CACNA1D: variants seen among roughly 807,000 people sequenced by gnomAD.
CACNA1D encodes calcium voltage-gated channel subunit alpha1 D.
Under a neutral mutation model 257.1 loss-of-function variants are expected in CACNA1D, and 55 were observed. The observed-to-expected ratio is 0.21, with a 90% CI of 0.17 to 0.27. The LOEUF (loss-of-function observed/expected upper bound fraction) is 0.27. CACNA1D is among the 10% of genes least tolerant of loss of function. The pLI is 1.00. For synonymous variants in CACNA1D, 980 were observed against 1,014.9 expected (o/e 0.97, Z 0.65); for missense variants, 1,876 against 2,784.0 (o/e 0.67, Z 7.34).
chr3:53,710,382 G>A, intron 9 of CACNA1D: 1 of 456,460 alleles, frequency 2.2e-6, no homozygotes, highest in Non-Finnish European at 4.4e-6. Context: ...AATTGCCTGT[G>A]TTCAACCTGA....
rs79378840 is a variant in CACNA1D at position 53,570,643 on chromosome 3, A to G, written c.483+68923A>G. Among the ~76,000 whole-genome samples the G allele has an allele frequency of 6.1e-3, 925 of 152,370 alleles. 37 individuals carry two copies. Among genetic ancestry groups the G allele is most frequent in the Admixed American group, 0.054 (823 of 15,306 alleles). ...AAGGAAATTGAACAAAGAAGTTAAG[A>G]TAGCACATGCAAACATACACATCCG... is the stretch of plus-strand genomic sequence containing the variant. On this transcript the variant is annotated intron_variant, in intron 3 of 47. Transcript: ENST00000350061.
intron 3 of CACNA1D, among the ~76,000 whole-genome samples, chr3:53,576,211 T>C (rs1359436073): frequency 2.0e-5 from 3 of 152,172 alleles, no homozygotes; most frequent in Admixed American, 6.5e-5. Flanking sequence ...CAGTGGCCCA[T>C]GACGAAGTTG....
intron 3 of CACNA1D, among the ~76,000 whole-genome samples, chr3:53,565,535 A>G (rs956088885): frequency 5.9e-5 from 9 of 152,222 alleles, no homozygotes; most frequent in African/African-American, 1.9e-4. Context: ...TTCTTGTTAA[A>G]TGGAGAGGAG....
At chr3:53,675,170 G>C (rs2094362795) in intron 8 of CACNA1D, among the ~76,000 whole-genome samples, 1 of 152,212 alleles carries the variant, frequency 6.6e-6, no homozygotes, top group Non-Finnish European at 1.5e-5. Flanking sequence ...CCGCCAGAGA[G>C]AGGAGTGGGG....
At position 53,495,104 on chromosome 3, in the gene CACNA1D, G is replaced by GC; in HGVS notation, c.-58dup. The GC allele has an allele frequency of 2.2e-6, 2 of 902,094 alleles. No individual in the cohort carries two copies. Among genetic ancestry groups the GC allele is most frequent in the Non-Finnish European group, 3.4e-6 (2 of 581,472 alleles). 55.9% of individuals were successfully genotyped at this position (902,094 alleles called of 1,614,324 possible). Reference sequence around the variant, plus strand: ...TCTTGGTGATCCCCTTCCCCATTCCGCCCCCGCCTCAACGCCCAGCACAGT... The same window carrying GC: ...TCTTGGTGATCCCCTTCCCCATTCCGCCCCCCGCCTCAACGCCCAGCACAGT... On this transcript the variant is annotated 5_prime_UTR_variant, in exon 1 of 48. Transcript: ENST00000350061. This position sits in a 1 kb window ranked among gnomAD's most constrained non-coding sequence, Gnocchi z 5.1.
intron 3 of CACNA1D, among the ~76,000 whole-genome samples, chr3:53,518,121 G>T (rs2091415568): frequency 6.6e-6 from 1 of 152,202 alleles, no homozygotes; most frequent in Admixed American, 6.5e-5. Context: ...CTGCACTGTG[G>T]CTTTGCACGT....
intron 3 of CACNA1D, among the ~76,000 whole-genome samples, chr3:53,504,939 A>C (rs2090762737): frequency 6.6e-6 from 1 of 151,966 alleles, no homozygotes; most frequent in East Asian, 1.9e-4. Flanking sequence ...TCCAGAATGG[A>C]GATCTTCATC....
chr3:53,658,315 A>G (rs1386888698), intron 4 of CACNA1D, among the ~76,000 whole-genome samples: 2 of 152,156 alleles, frequency 1.3e-5, no homozygotes, highest in East Asian at 3.9e-4. Context: ...ACTGAGGCCC[A>G]GAGAAGGAGA....
chr3:53,800,390 C>T lies in CACNA1D; in HGVS notation c.5040+25C>T. ...AGTAATTATTCCACGCCTAGCTACACACTGGCCATCTGGAAATAGCAGGGC... is the reference window on the plus strand; with the variant it reads ...AGTAATTATTCCACGCCTAGCTACATACTGGCCATCTGGAAATAGCAGGGC... On this transcript the variant is annotated intron_variant, in intron 41 of 47. Transcript: ENST00000350061. This position sits in a 1 kb window ranked among gnomAD's most constrained non-coding sequence, Gnocchi z 4.3. 7.0e-7 allele frequency: 1 copy of T among 1,429,860 alleles called. No homozygotes were observed. 88.6% of individuals were successfully genotyped at this position (1,429,860 alleles called of 1,614,324 possible). A position where few individuals can be genotyped will look rare whatever the true frequency, so the allele number is the denominator to read the frequency against.
chr3:53,807,041 C>T (rs1002837614), intron 45 of CACNA1D, among the ~76,000 whole-genome samples: 2 of 152,232 alleles, frequency 1.3e-5, no homozygotes, highest in African/African-American at 4.8e-5. Flanking sequence ...TTTGCTGCCC[C>T]GCAGCTCAGA....
chr3:53,764,874 C>T (rs766175032), intron 30 of CACNA1D, among the ~76,000 whole-genome samples: 1 of 152,234 alleles, frequency 6.6e-6, no homozygotes, highest in Non-Finnish European at 1.5e-5. Flanking sequence ...TAGGCAGACA[C>T]TCCCATAGTG....
intron 3 of CACNA1D, among the ~76,000 whole-genome samples, chr3:53,637,706 G>GGTCA (rs2093901278): frequency 6.6e-6 from 1 of 152,154 alleles, no homozygotes; most frequent in Admixed American, 6.5e-5. Context: ...GGCAAGAGCA[G>GGTCA]GTCAGTGCAA....
intron 3 of CACNA1D, among the ~76,000 whole-genome samples, chr3:53,644,655 CT>C (rs953705368): frequency 9.9e-5 from 15 of 152,196 alleles, no homozygotes; most frequent in African/African-American, 3.1e-4. Context: ...GGATTTCCTT[CT>C]TTTTAAAGGC....
intron 4 of CACNA1D, among the ~76,000 whole-genome samples, chr3:53,657,621 A>G (rs2094161254): frequency 6.6e-6 from 1 of 152,240 alleles, no homozygotes; most frequent in South Asian, 2.1e-4. Flanking sequence ...AAACTTCAGA[A>G]CATCAGATTA....
intron 3 of CACNA1D, among the ~76,000 whole-genome samples, chr3:53,550,692 A>AT (rs931894631): frequency 3.9e-5 from 6 of 152,152 alleles, no homozygotes; most frequent in African/African-American, 1.4e-4. Context: ...TGCTGTCTTC[A>AT]TTTTATTGCT....
chr3:53,691,890 A>T (rs1559523254), intron 8 of CACNA1D, among the ~76,000 whole-genome samples: 4 of 101,214 alleles, frequency 4.0e-5, no homozygotes, highest in South Asian at 3.1e-4. Flanking sequence ...AATATATATT[A>T]TATATATTAC....
chr3:53,719,483 T>G (rs1407162626), intron 10 of CACNA1D, among the ~76,000 whole-genome samples: 2 of 152,184 alleles, frequency 1.3e-5, no homozygotes, highest in African/African-American at 4.8e-5. Context: ...GCCTTCATTT[T>G]GGCCCCTGCA....
rs182575546 is a variant in CACNA1D, at chr3:53,779,028, G to A, written c.4588-998G>A. On this transcript the variant is annotated intron_variant, in intron 37 of 47. Coordinates refer to ENST00000350061, the MANE Select transcript of CACNA1D (RefSeq NM_001128840.3). ...AAAAACATGCTTGGAGCCGGGCACGGTGGCTCACACCTGTAATCCCAACAT... is the reference window on the plus strand; with the variant it reads ...AAAAACATGCTTGGAGCCGGGCACGATGGCTCACACCTGTAATCCCAACAT... Among the ~76,000 whole-genome samples, 5 of 152,302 alleles carry A rather than the reference G, an allele frequency of 3.3e-5. No individual in the cohort carries two copies. In the East Asian group the frequency reaches 7.7e-4, roughly 23 times the overall value.
At position 53,495,302 on chromosome 3, in the gene CACNA1D, C is replaced by T; in HGVS notation, c.67+69C>T. 4 of 1,593,678 alleles carry T rather than the reference C, an allele frequency of 2.5e-6. No homozygotes were observed. Among genetic ancestry groups the T allele is most frequent in the Non-Finnish European group, 2.6e-6 (3 of 1,163,596 alleles). ...GTCATGGTCCTCCAGCCCCCTCCCC[C>T]TTCCCCGCGGCGCTGGATGGGTTGA... On this transcript the variant is annotated intron_variant, in intron 1 of 47. Coordinates refer to ENST00000350061, the MANE Select transcript of CACNA1D (RefSeq NM_001128840.3). The surrounding 1 kb of genome is among the most constrained non-coding windows in gnomAD (Gnocchi z 5.1).
Sources: gnomAD v4.1 joint callset for allele counts (sites outside exome capture counted in the v4.1 genomes callset) on GRCh38, gnomAD v4.1.1 for gene constraint, Gnocchi (gnomAD v3.1) non-coding constraint, MANE v1.5 for transcripts, NCBI Gene and HGNC (gene_info 2026-07-23, HGNC 2026-07-21) for gene names.